COL4A5: variants seen among roughly 807,000 people sequenced by gnomAD.
The protein encoded by COL4A5 is collagen type IV alpha 5 chain.
A neutral mutation model predicts 130.2 loss-of-function variants in COL4A5; 26 were observed. The ratio of observed to expected loss-of-function variants is 0.20; its 90% confidence interval spans 0.15 to 0.28. The LOEUF (loss-of-function observed/expected upper bound fraction) is 0.28. Among genes scored for constraint, COL4A5 ranks in the 10% least tolerant of loss-of-function variants. COL4A5 has a pLI of 1.00. For synonymous variants in COL4A5, 496 were observed against 439.6 expected (o/e 1.13, Z -1.60); for missense variants, 1,131 against 1,344.3 (o/e 0.84, Z 2.48).
chrX:108,581,906 T>G (rs1313530001), intron 16 of COL4A5, among the ~76,000 whole-genome samples: 1 of 110,211 alleles, frequency 9.1e-6, no homozygotes, highest in Non-Finnish European at 1.9e-5. Context: ...GTTTTTTCAG[T>G]AAAAGTTTTG....
At chrX:108,441,239 A>C (rs1044069643) in intron 1 of COL4A5, among the ~76,000 whole-genome samples, 4 of 112,510 alleles carry the variant, frequency 3.6e-5, no homozygotes, top group African/African-American at 9.7e-5. Flanking sequence ...TAAGTGTGTG[A>C]CAAATTATTT....
chrX:108,464,868 C>G (rs901420925), intron 1 of COL4A5, among the ~76,000 whole-genome samples: 1 of 111,858 alleles, frequency 8.9e-6, no homozygotes, highest in Non-Finnish European at 1.9e-5. Flanking sequence ...AGTCTAGGTC[C>G]CAATTCAGGC....
At chrX:108,618,923 T>C (rs1337663668) in intron 30 of COL4A5, among the ~76,000 whole-genome samples, 1 of 110,837 alleles carries the variant, frequency 9.0e-6, no homozygotes, top group Non-Finnish European at 1.9e-5. Context: ...TTTCCCTTAT[T>C]TTATAGAACT....
intron 37 of COL4A5, among the ~76,000 whole-genome samples, chrX:108,660,884 A>G (rs1004223241): frequency 8.9e-5 from 10 of 112,187 alleles, no homozygotes; most frequent in African/African-American, 3.2e-4. Context: ...TCATATGATT[A>G]TCATGGAACT....
At chrX:108,513,040 C>T (rs2147594815) in intron 1 of COL4A5, among the ~76,000 whole-genome samples, 1 of 111,686 alleles carries the variant, frequency 9.0e-6, no homozygotes, top group East Asian at 2.8e-4. Flanking sequence ...GATACTTAGG[C>T]TCAGTTTAGT....
At chrX:108,582,807 T>C in intron 16 of COL4A5, 77 bp from the exon 17 acceptor site, 1 of 842,214 alleles carries the variant, frequency 1.2e-6, no homozygotes, top group South Asian at 2.0e-5. Flanking sequence ...TCATTGCTTC[T>C]ATGGAGAAGA....
chrX:108,637,405 T>C (rs980589206), intron 36 of COL4A5, among the ~76,000 whole-genome samples: 2 of 110,133 alleles, frequency 1.8e-5, no homozygotes, highest in South Asian at 7.5e-4. Flanking sequence ...AAAGAAAAAC[T>C]AAATCCAAAA....
At chrX:108,590,987 C>G (rs2066422846) in intron 19 of COL4A5, 71 bp from the exon 20 acceptor site, 17 of 940,517 alleles carry the variant, frequency 1.8e-5, no homozygotes, top group Non-Finnish European at 2.6e-5. Flanking sequence ...TTATCATTAT[C>G]TAATGTCTCA....
intron 1 of COL4A5, among the ~76,000 whole-genome samples, chrX:108,495,936 C>A (rs1396345758): frequency 1.8e-5 from 2 of 112,312 alleles, no homozygotes; most frequent in African/African-American, 6.5e-5. Flanking sequence ...GTAGCAACAC[C>A]AGATGAGGCA....
At chrX:108,694,714 C>A in intron 50 of COL4A5, 93 bp from the exon 51 acceptor site, 1 of 667,259 alleles carries the variant, frequency 1.5e-6, no homozygotes, top group Non-Finnish European at 2.5e-6. Context: ...CATTAATCGG[C>A]TTCCATACTA....
At chrX:108,529,262 C>T (rs762303794) in intron 1 of COL4A5, among the ~76,000 whole-genome samples, 1 of 111,830 alleles carries the variant, frequency 8.9e-6, no homozygotes, top group Non-Finnish European at 1.9e-5. Context: ...CACAGATAAG[C>T]AAATGCTGAG....
intron 2 of COL4A5, among the ~76,000 whole-genome samples, chrX:108,540,229 G>T (rs1309061679): frequency 9.0e-6 from 1 of 110,982 alleles, no homozygotes; most frequent in Non-Finnish European, 1.9e-5. Flanking sequence ...TTGGGTAAGT[G>T]TTGGGGTCCT....
chrX:108,618,839 T>C (rs2066982477), intron 30 of COL4A5, among the ~76,000 whole-genome samples: 1 of 109,921 alleles, frequency 9.1e-6, no homozygotes, highest in South Asian at 3.9e-4. Flanking sequence ...TAGTTCTTCC[T>C]CAAAAGCCAT....
intron 1 of COL4A5, among the ~76,000 whole-genome samples, chrX:108,507,546 C>T (rs1007235413): frequency 1.2e-4 from 13 of 112,069 alleles, no homozygotes; most frequent in Admixed American, 1.1e-3. Context: ...TGGTGGCTCA[C>T]GCCTGTAGTC....
At chrX:108,686,181 A>G in intron 48 of COL4A5, 52 bp downstream of exon 48, 1 of 982,077 alleles carries the variant, frequency 1.0e-6, no homozygotes, top group Non-Finnish European at 1.4e-6. Context: ...TGAGTCTGAG[A>G]GACCTCTGGA....
chrX:108,625,909 G>C, intron 35 of COL4A5, 115 bp downstream of exon 35: 2 of 575,983 alleles, frequency 3.5e-6, no homozygotes, highest in East Asian at 3.5e-5. Flanking sequence ...AACGATATCT[G>C]AGGTAATCAG....
Position 108,497,592 on chromosome X carries a change from G to C in COL4A5, c.82-42154G>C, listed in dbSNP as rs1201842396. On this transcript the variant is annotated intron_variant, in intron 1 of 52. Transcript: ENST00000328300. Reference sequence around the variant, plus strand: ...CTTATTAGCCCACACCTGGCCTTTAGCAATTAGTTGAAATGTCTAATTGAA... The same window carrying C: ...CTTATTAGCCCACACCTGGCCTTTACCAATTAGTTGAAATGTCTAATTGAA... 2.7e-5 allele frequency among the ~76,000 whole-genome samples: 3 copies of C among 111,377 alleles called. No homozygotes were observed. The Admixed American group carries it at 2.9e-4, about 11-fold the overall frequency.
At chrX:108,641,420 A>G (rs1446136400) in intron 36 of COL4A5, among the ~76,000 whole-genome samples, 1 of 111,862 alleles carries the variant, frequency 8.9e-6, no homozygotes, top group Non-Finnish European at 1.9e-5. Context: ...ACTCGGACAG[A>G]CAGAGCAGCA....
chrX:108,595,362 G>A, intron 21 of COL4A5, 147 bp from the exon 22 acceptor site: 2 of 509,204 alleles, frequency 3.9e-6, no homozygotes, highest in Non-Finnish European at 6.9e-6. Flanking sequence ...TAATTTATTT[G>A]TCATAAATTG....
Sources: gnomAD v4.1 joint callset for allele counts (sites outside exome capture counted in the v4.1 genomes callset) on GRCh38, gnomAD v4.1.1 for gene constraint, MANE v1.5 for transcripts, NCBI Gene and HGNC (gene_info 2026-07-23, HGNC 2026-07-21) for gene names.